The following ZNF800 variants were observed in gnomAD, a reference collection of about 807,000 sequenced individuals.
ZNF800 encodes zinc finger protein 800.
In ZNF800, 13 loss-of-function variants were observed where a neutral mutation model predicts 59.5. That is an observed-to-expected ratio of 0.22 (90% confidence interval 0.14 to 0.35). The LOEUF is 0.35. Ranked by LOEUF, ZNF800 falls within the 10% of genes least tolerant of loss-of-function variation. ZNF800 has a pLI of 1.00. For missense variants in ZNF800, 621 were observed against 783.7 expected (o/e 0.79, Z 2.48); for synonymous variants, 266 against 265.7 (o/e 1.00, Z -0.01).
In ZNF800 at chr7:127,392,375, C is replaced by A. The variant is rs1262710266; in HGVS notation, c.-374G>T. The stretch of plus-strand genomic sequence containing the variant: ...GTTGACAGGAGGAACCGCCCGGCAG[C>A]AGCTGCCGCCGCCACCACCGAAGGA... On this transcript the variant is annotated 5_prime_UTR_variant, in exon 1 of 6. Coordinates refer to ENST00000265827, the MANE Select transcript of ZNF800 (RefSeq NM_176814.5). The A allele has an allele frequency of 5.2e-6, 2 of 381,038 alleles. No homozygotes were observed. The highest frequency in any genetic ancestry group is 9.3e-6 in the Non-Finnish European group (2 of 215,130). The allele number at this position is 381,038 out of a possible 1,614,324, so 23.6% of individuals were successfully genotyped here.
intron 3 of ZNF800, among the ~76,000 whole-genome samples, chr7:127,384,321 C>T (rs962626965): frequency 3.4e-5 from 5 of 146,622 alleles, no homozygotes; most frequent in African/African-American, 1.0e-4. Context: ...GCAAGCTCCC[C>T]CTCCCGGGTT....
At chr7:127,384,227 C>CTTTTTTTTTTTTT (rs577977623) in intron 3 of ZNF800, among the ~76,000 whole-genome samples, 2,866 of 63,204 alleles carry the variant, frequency 0.045, 724 homozygotes, top group East Asian at 0.15. Context: ...ATTCTAACTT[C>CTTTTTTTTTTTTT]TTTTTTTTTT....
At chr7:127,354,523 T>C (rs1175565416) in intron 1 of ZNF800, among the ~76,000 whole-genome samples, 1 of 152,102 alleles carries the variant, frequency 6.6e-6, no homozygotes, top group Admixed American at 6.5e-5. Flanking sequence ...TATGCTACCA[T>C]CTGTGTGAAG....
At chr7:127,352,703 A>G (rs1398100400) in intron 1 of ZNF800, among the ~76,000 whole-genome samples, 1 of 152,216 alleles carries the variant, frequency 6.6e-6, no homozygotes, top group Non-Finnish European at 1.5e-5. Flanking sequence ...TGAATTGTGG[A>G]ATTTATACAC....
chr7:127,365,462 C>A (rs1300786214), downstream of ZNF800, among the ~76,000 whole-genome samples: 1 of 152,064 alleles, frequency 6.6e-6, no homozygotes, highest in Non-Finnish European at 1.5e-5. Context: ...GTGCTAGGTA[C>A]ACTATGAGGC....
intron 1 of ZNF800, among the ~76,000 whole-genome samples, chr7:127,356,646 A>AGT (rs910020337): frequency 6.6e-6 from 1 of 152,064 alleles, no homozygotes; most frequent in African/African-American, 2.4e-5. Context: ...GTGTTACAGC[A>AGT]GTGTGCCTTG....
chr7:127,367,068 T>TA (rs1800524347), downstream of ZNF800, among the ~76,000 whole-genome samples: 1 of 152,128 alleles, frequency 6.6e-6, no homozygotes, highest in African/African-American at 2.4e-5. Context: ...AAAGGGCTAA[T>TA]AGCAGCAGAG....
chr7:127,373,069 A>G (rs906509315), intron 5 of ZNF800: 1 of 985,332 alleles, frequency 1.0e-6, no homozygotes, highest in Non-Finnish European at 1.2e-6. Context: ...ACAACATTAA[A>G]AGGAAAGCAC....
In ZNF800 at chr7:127,392,280, A is replaced by ACGACTGCGGCGGCGGCTCACGG. The variant is rs1234964790; in HGVS notation, c.-301_-280dup. On this transcript the variant is annotated 5_prime_UTR_variant, in exon 1 of 6. Coordinates refer to ENST00000265827, the MANE Select transcript of ZNF800 (RefSeq NM_176814.5). ...TCACCACGTCCCTCCGCGGGCCGAG[A>ACGACTGCGGCGGCGGCTCACGG]CGACTGCGGCGGCGGCTCACGGCGT... 13 of 391,024 alleles carry ACGACTGCGGCGGCGGCTCACGG rather than the reference A, an allele frequency of 3.3e-5. No homozygotes were observed. Among genetic ancestry groups the ACGACTGCGGCGGCGGCTCACGG allele is most frequent in the Non-Finnish European group, 4.5e-5 (10 of 221,134 alleles). 24.2% of individuals were successfully genotyped at this position (391,024 alleles called of 1,614,324 possible).
chr7:127,352,903 C>T (rs4728067), intron 1 of ZNF800, among the ~76,000 whole-genome samples: 9 of 76,492 alleles, frequency 1.2e-4, no homozygotes, highest in East Asian at 6.2e-4. Flanking sequence ...CGATTACACA[C>T]ACACACACAC....
Position 127,392,109 on chromosome 7 carries a change from C to T in ZNF800, c.-108G>A, listed in dbSNP as rs1801347786. On this transcript the variant is annotated 5_prime_UTR_variant, in exon 1 of 6. Coordinates refer to ENST00000265827, the MANE Select transcript of ZNF800 (RefSeq NM_176814.5). ...GCGGGCGGAAGGAAGGAAGGCAGGCCGGGCGGCCGCGGGGACAGCCTGGCG... is the reference window on the plus strand; with the variant it reads ...GCGGGCGGAAGGAAGGAAGGCAGGCTGGGCGGCCGCGGGGACAGCCTGGCG... The T allele has an allele frequency of 2.5e-6, 1 of 392,882 alleles. No homozygotes were observed. Among genetic ancestry groups the T allele is most frequent in the Non-Finnish European group, 4.5e-6 (1 of 222,626 alleles). The allele number at this position is 392,882 out of a possible 1,614,324, so 24.3% of individuals were successfully genotyped here. A position where few individuals can be genotyped will look rare whatever the true frequency, so the allele number is the denominator to read the frequency against.
chr7:127,386,199 G>A, intron 2 of ZNF800, 44 bp from the exon 3 acceptor site: 2 of 1,245,298 alleles, frequency 1.6e-6, no homozygotes, highest in South Asian at 1.3e-5. Context: ...ACAAAAAAAG[G>A]GTTATTTAAA....
Position 127,391,504 on chromosome 7 carries a change from A to G in ZNF800, c.54T>C (p.Cys18=). ...CQTDHHHHGC[C]EPVYILEPGD... is the part of the protein sequence containing the mutation. The stretch of plus-strand genomic sequence containing the variant: ...GGACGAAGAGGGGTCTACCTGGTTC[A>G]CAGCATCCGTGATGATGGTGGTCAG... The change falls in exon 2 of 6, where the codon TGT becomes TGC. Residue 18 remains cysteine, a synonymous_variant. Coordinates refer to ENST00000265827, the MANE Select transcript of ZNF800 (RefSeq NM_176814.5). 2 of 1,614,202 alleles carry G rather than the reference A, an allele frequency of 1.2e-6. No homozygotes were observed. The highest frequency in any genetic ancestry group is 1.7e-6 in the Non-Finnish European group (2 of 1,180,022).
intron 3 of ZNF800, among the ~76,000 whole-genome samples, chr7:127,385,483 T>C (rs925265792): frequency 2.0e-5 from 3 of 152,194 alleles, no homozygotes; most frequent in Non-Finnish European, 4.4e-5. Context: ...ATAAAGCTAA[T>C]TCTTATTATC....
At chr7:127,386,322 C>T (rs1801138846) in intron 2 of ZNF800, among the ~76,000 whole-genome samples, 167 bp from the exon 3 acceptor site, 1 of 152,028 alleles carries the variant, frequency 6.6e-6, no homozygotes, top group African/African-American at 2.4e-5. Flanking sequence ...TATAATTAAC[C>T]ATCATCTTTG....
intron 1 of ZNF800, among the ~76,000 whole-genome samples, chr7:127,354,026 T>C (rs1800221802): frequency 1.3e-5 from 2 of 152,264 alleles, no homozygotes; most frequent in East Asian, 1.9e-4. Flanking sequence ...CAAACATTTG[T>C]GGTTTGACAT....
At chr7:127,345,220 C>T (rs967797026), downstream of ZNF800, among the ~76,000 whole-genome samples, 17 of 152,058 alleles carry the variant, frequency 1.1e-4, no homozygotes, top group African/African-American at 3.4e-4. Flanking sequence ...GTGCTACAGG[C>T]GGAGAATACA....
In ZNF800 at chr7:127,391,595, A is replaced by T. The variant is rs1379243585; in HGVS notation, c.-38T>A. ...CGACCTACTTTGCTTTCACTGTAAG[A>T]AGCTCTTCATTGCGGCGTGGCTGTT... On this transcript the variant is annotated 5_prime_UTR_variant, in exon 2 of 6. Transcript: ENST00000265827. The T allele has an allele frequency of 6.3e-7, 1 of 1,597,630 alleles. No individual in the cohort carries two copies. The highest frequency in any genetic ancestry group is 1.7e-5 in the Admixed American group (1 of 59,982).
intron 2 of ZNF800, among the ~76,000 whole-genome samples, chr7:127,390,117 T>A (rs894272186): frequency 6.6e-6 from 1 of 152,102 alleles, no homozygotes; most frequent in Non-Finnish European, 1.5e-5. Flanking sequence ...ATAAATTTCT[T>A]CCTAAATAAG....
Sources: allele counts gnomAD v4.1 joint callset (sites outside exome capture counted in the v4.1 genomes callset), GRCh38; gene constraint gnomAD v4.1.1; transcripts MANE v1.5; gene names NCBI Gene and HGNC (gene_info 2026-07-23, HGNC 2026-07-21).